ATP8A2: variants seen among roughly 807,000 people sequenced by gnomAD.
ATP8A2 encodes phospholipid-transporting ATPase IB.
Under a neutral mutation model 165.6 loss-of-function variants are expected in ATP8A2, and 100 were observed. The observed-to-expected ratio is 0.60, with a 90% CI of 0.51 to 0.71. ATP8A2 has a LOEUF of 0.71. Ranked by LOEUF, ATP8A2 falls within the 30% of genes least tolerant of loss-of-function variation. The pLI, the probability that ATP8A2 is intolerant of heterozygous loss-of-function variation, is 0.00. For synonymous variants in ATP8A2, 543 were observed against 548.8 expected (o/e 0.99, Z 0.15); for missense variants, 1,227 against 1,479.5 (o/e 0.83, Z 2.80).
intron 24 of ATP8A2, among the ~76,000 whole-genome samples, chr13:25,640,997 C>T (rs2041505320): frequency 6.6e-6 from 1 of 152,152 alleles, no homozygotes; most frequent in South Asian, 2.1e-4. Flanking sequence ...GAACCAAAGA[C>T]AAAAACCACA....
At chr13:25,691,349 T>C (rs1593202659) in intron 24 of ATP8A2, among the ~76,000 whole-genome samples, 1 of 152,342 alleles carries the variant, frequency 6.6e-6, no homozygotes, top group East Asian at 1.9e-4. Flanking sequence ...TGTATGTCAG[T>C]TAATAAAGCT....
chr13:25,569,111 G>A (rs951360770), intron 16 of ATP8A2, among the ~76,000 whole-genome samples: 1 of 152,078 alleles, frequency 6.6e-6, no homozygotes, highest in Non-Finnish European at 1.5e-5. Context: ...GTTATGTTCA[G>A]GATTGGAAAA....
intron 24 of ATP8A2, among the ~76,000 whole-genome samples, chr13:25,594,984 G>GTATA (rs58403530): frequency 0.018 from 2,559 of 142,790 alleles, 68 homozygotes; most frequent in African/African-American, 0.056. Context: ...GTGTGTGTGT[G>GTATA]TATATATATA....
chr13:25,425,627 T>G (rs1198667319), intron 1 of ATP8A2, among the ~76,000 whole-genome samples: 1 of 151,084 alleles, frequency 6.6e-6, no homozygotes, highest in Admixed American at 6.6e-5. Context: ...CAGGCTGGAG[T>G]GCAATGGCAC....
At chr13:25,457,707 T>C (rs1355434070) in intron 1 of ATP8A2, among the ~76,000 whole-genome samples, 1 of 152,254 alleles carries the variant, frequency 6.6e-6, no homozygotes, top group Non-Finnish European at 1.5e-5. Flanking sequence ...GTGGAGGCCT[T>C]GGATTCAGAT....
chr13:26,019,810 A>G (rs1957056564), intron 36 of ATP8A2, 78 bp from the exon 37 acceptor site: 1 of 1,068,564 alleles, frequency 9.4e-7, no homozygotes, highest in African/African-American at 1.6e-5. Flanking sequence ...GCTGCCAAAA[A>G]AAAGCAGCTT....
chr13:25,793,781 T>G (rs1280337469), intron 27 of ATP8A2, among the ~76,000 whole-genome samples: 2 of 152,160 alleles, frequency 1.3e-5, no homozygotes, highest in Non-Finnish European at 2.9e-5. Context: ...TGAAGGCCAC[T>G]GGTATGAGCT....
intron 27 of ATP8A2, among the ~76,000 whole-genome samples, chr13:25,819,980 A>G (rs747429228): frequency 9.2e-5 from 14 of 152,192 alleles, no homozygotes; most frequent in East Asian, 3.9e-4. Flanking sequence ...TATTCTCCAT[A>G]GGGTACTTTT....
intron 24 of ATP8A2, among the ~76,000 whole-genome samples, chr13:25,660,287 A>G (rs910930807): frequency 1.3e-5 from 2 of 152,180 alleles, no homozygotes; most frequent in Non-Finnish European, 2.9e-5. Context: ...TTCATGTGGA[A>G]TATAAATGGG....
chr13:25,940,608 G>A (rs1360627083), intron 33 of ATP8A2, among the ~76,000 whole-genome samples: 1 of 152,180 alleles, frequency 6.6e-6, no homozygotes, highest in Non-Finnish European at 1.5e-5. Flanking sequence ...ACTTCATGGA[G>A]GGCTGGCTGT....
chr13:25,744,352 T>C (rs74037423), intron 25 of ATP8A2, among the ~76,000 whole-genome samples: 2 of 148,640 alleles, frequency 1.3e-5, no homozygotes, highest in African/African-American at 5.3e-5. Context: ...TGCGCCCTTC[T>C]CTGTGAGCCG....
rs4545660 is a variant in ATP8A2, at chr13:25,608,927, A to C, written c.2211+19228A>C. Among the ~76,000 whole-genome samples, 33 of 152,298 alleles carry C rather than the reference A, an allele frequency of 2.2e-4. 1 individual carries two copies. The South Asian group carries it at 5.8e-3, about 27-fold the overall frequency. On this transcript the variant is annotated intron_variant, in intron 24 of 36. Coordinates refer to ENST00000381655, the MANE Select transcript of ATP8A2 (RefSeq NM_016529.6). ...CTTGGAAAATTAAAAACCTATACTT[A>C]CAAATCCAGTGTCAAAGAGGAAATC...
intron 35 of ATP8A2, 66 bp from the exon 36 acceptor site, chr13:26,012,461 TTCTG>T (rs1956869027): frequency 8.7e-6 from 11 of 1,261,450 alleles, no homozygotes; most frequent in Admixed American, 2.2e-5. Flanking sequence ...TCCCACCCCC[TTCTG>T]TCTGTCTCCT....
chr13:25,881,303 G>C (rs1952971635), intron 33 of ATP8A2, among the ~76,000 whole-genome samples: 1 of 152,132 alleles, frequency 6.6e-6, no homozygotes, highest in African/African-American at 2.4e-5. Flanking sequence ...TCTGACTTTG[G>C]CATAACATGC....
intron 36 of ATP8A2, among the ~76,000 whole-genome samples, chr13:26,014,227 G>A (rs1477098793): frequency 1.3e-5 from 2 of 152,164 alleles, no homozygotes; most frequent in African/African-American, 2.4e-5. Context: ...GGTAATATGA[G>A]AACTTACTGG....
At chr13:25,707,571 G>A (rs1455640289) in intron 25 of ATP8A2, among the ~76,000 whole-genome samples, 1 of 152,156 alleles carries the variant, frequency 6.6e-6, no homozygotes, top group Non-Finnish European at 1.5e-5. Context: ...GAAAATACAG[G>A]AAGCTCTTCT....
At chr13:25,477,008 T>C (rs1290339492) in intron 2 of ATP8A2, among the ~76,000 whole-genome samples, 1 of 152,200 alleles carries the variant, frequency 6.6e-6, no homozygotes, top group Non-Finnish European at 1.5e-5. Context: ...AGGTAACCAT[T>C]GAATGTGTGA....
At chr13:25,950,184 G>A (rs989744317) in intron 33 of ATP8A2, among the ~76,000 whole-genome samples, 1 of 152,096 alleles carries the variant, frequency 6.6e-6, no homozygotes, top group Non-Finnish European at 1.5e-5. Context: ...GTATCTCAGG[G>A]GCGATATACT....
At chr13:25,580,491 G>A (rs1291264516) in intron 22 of ATP8A2, among the ~76,000 whole-genome samples, 1 of 151,892 alleles carries the variant, frequency 6.6e-6, no homozygotes, top group African/African-American at 2.4e-5. Flanking sequence ...TCTCATGTTG[G>A]CAGCCATAGG....
Sources: gnomAD v4.1 joint callset for allele counts (sites outside exome capture counted in the v4.1 genomes callset) on GRCh38, gnomAD v4.1.1 for gene constraint, MANE v1.5 for transcripts, NCBI Gene and HGNC (gene_info 2026-07-23, HGNC 2026-07-21) for gene names.